Variants in INPP4B observed in about 807,000 individuals in gnomAD.
INPP4B encodes the protein inositol polyphosphate 4-phosphatase type II.
INPP4B carries 55 observed loss-of-function variants against 122.5 expected under a neutral mutation model. That is an observed-to-expected ratio of 0.45 (90% CI 0.36 to 0.56). The LOEUF (loss-of-function observed/expected upper bound fraction) is 0.56, where lower values mean the gene tolerates loss of function less well. Among genes scored for constraint, INPP4B ranks in the 20% least tolerant of loss-of-function variants. The probability of loss-of-function intolerance (pLI) is 0.00; values close to 1 mark genes in which losing one functional copy is unlikely to be tolerated. For missense variants in INPP4B, 1,000 were observed against 1,097.7 expected (o/e 0.91, Z 1.26); for synonymous variants, 403 against 388.7 (o/e 1.04, Z -0.43).
At chr4:142,221,389 CAAAAAA>C (rs570703001) in intron 12 of INPP4B, among the ~76,000 whole-genome samples, 6 of 28,554 alleles carry the variant, frequency 2.1e-4, no homozygotes, top group African/African-American at 5.9e-4. Context: ...GACTCCTTCT[CAAAAAA>C]AAAAAAAAAA....
chr4:142,640,430 A>G (rs1750136312), intron 2 of INPP4B, among the ~76,000 whole-genome samples: 2 of 152,150 alleles, frequency 1.3e-5, no homozygotes, highest in East Asian at 3.8e-4. Flanking sequence ...GTAGAGCTGT[A>G]GGGTAATGAT....
intron 1 of INPP4B, chr4:142,767,501 C>T (rs1772336698): frequency 6.6e-6 from 1 of 152,316 alleles, no homozygotes; most frequent in African/African-American, 2.4e-5. Context: ...GTCTCTTTCA[C>T]TTTCCAGGTG....
intron 2 of INPP4B, among the ~76,000 whole-genome samples, chr4:142,629,938 G>A (rs115593713): frequency 0.013 from 2,051 of 152,118 alleles, 36 homozygotes; most frequent in African/African-American, 0.038. Context: ...CCAAACTACA[G>A]AAACTGAGTA....
intron 18 of INPP4B, among the ~76,000 whole-genome samples, chr4:142,139,656 C>T (rs1263287647): frequency 6.6e-6 from 1 of 152,008 alleles, no homozygotes; most frequent in East Asian, 1.9e-4. Context: ...ATCTAGGGAA[C>T]CAAAGACAAA....
intron 14 of INPP4B, among the ~76,000 whole-genome samples, chr4:142,205,431 A>G (rs1397447522): frequency 1.3e-5 from 2 of 152,224 alleles, no homozygotes; most frequent in African/African-American, 4.8e-5. Context: ...TGCATCTTTA[A>G]GTCATCTTTA....
intron 18 of INPP4B, among the ~76,000 whole-genome samples, chr4:142,138,697 C>G (rs1224179358): frequency 6.6e-6 from 1 of 151,978 alleles, no homozygotes; most frequent in Non-Finnish European, 1.5e-5. Flanking sequence ...GAAATGGGGA[C>G]AGAACCAGAA....
rs998562072 is a variant in INPP4B at position 142,338,714 on chromosome 4, T to G, written c.373-23952A>C. On this transcript the variant is annotated intron_variant, in intron 7 of 25. Coordinates refer to ENST00000262992, the MANE Select transcript of INPP4B (RefSeq NM_001101669.3). ...GCTATCTATATATTTTTATCTCTTA[T>G]GATTATCACAAGCCATTAAAGACTT... Among the ~76,000 whole-genome samples, 39 of 152,316 alleles carry G rather than the reference T, an allele frequency of 2.6e-4. 1 individual carries two copies. The highest frequency in any genetic ancestry group is 1.8e-3 in the Admixed American group (28 of 15,300).
At chr4:142,620,304 C>G (rs1022842630) in intron 2 of INPP4B, among the ~76,000 whole-genome samples, 1 of 151,860 alleles carries the variant, frequency 6.6e-6, no homozygotes, top group Non-Finnish European at 1.5e-5. Context: ...ACATATACAC[C>G]ATGGAATATT....
chr4:142,350,988 T>C (rs1340072059), intron 7 of INPP4B, among the ~76,000 whole-genome samples: 1 of 152,032 alleles, frequency 6.6e-6, no homozygotes, highest in Non-Finnish European at 1.5e-5. Context: ...TGTTTTCCTA[T>C]GGGCTAGCTG....
intron 1 of INPP4B, among the ~76,000 whole-genome samples, chr4:142,787,564 C>G (rs1775929343): frequency 6.6e-6 from 1 of 151,984 alleles, no homozygotes. Flanking sequence ...CACCTATAAG[C>G]TGGGTTTCAT....
chr4:142,158,666 C>T (rs1190325392), intron 17 of INPP4B, among the ~76,000 whole-genome samples: 1 of 152,064 alleles, frequency 6.6e-6, no homozygotes, highest in African/African-American at 2.4e-5. Flanking sequence ...TCACTAGACT[C>T]TGAGCTCCAA....
At chr4:142,170,266 A>T (rs1824951931) in intron 16 of INPP4B, among the ~76,000 whole-genome samples, 1 of 151,768 alleles carries the variant, frequency 6.6e-6, no homozygotes, top group South Asian at 2.1e-4. Flanking sequence ...ACTAATATGC[A>T]ACAACCAAAC....
chr4:142,796,902 GTGTGTGTGTGTGTC>G lies in INPP4B; in HGVS notation c.-254+49293_-254+49306del, dbSNP rs1342384959. Among the ~76,000 whole-genome samples, 1,327 of 148,116 alleles carry G rather than the reference GTGTGTGTGTGTGTC, an allele frequency of 9.0e-3. 24 individuals are homozygous for G. The highest frequency in any genetic ancestry group is 0.03 in the African/African-American group (1,151 of 38,562). Reference sequence around the variant, plus strand: ...TGTGTGTGTGTGTGTGTGTGTGTGTGTGTGTGTGTGTGTCTGTGTGTAATAGCAGAGAACAAAAT... The same window carrying G: ...TGTGTGTGTGTGTGTGTGTGTGTGTGTGTGTGTAATAGCAGAGAACAAAAT... On this transcript the variant is annotated intron_variant, in intron 1 of 25. Transcript: ENST00000262992.
chr4:142,349,534 G>A (rs1021983921), intron 7 of INPP4B, among the ~76,000 whole-genome samples: 1 of 151,930 alleles, frequency 6.6e-6, no homozygotes, highest in African/African-American at 2.4e-5. Context: ...TCATTGATCA[G>A]CTTTTCCATT....
chr4:142,214,735 T>A (rs754057227), intron 12 of INPP4B, among the ~76,000 whole-genome samples: 9 of 152,222 alleles, frequency 5.9e-5, no homozygotes, highest in Non-Finnish European at 8.8e-5. Flanking sequence ...GTATTTTTAG[T>A]AGAGATGGGG....
intron 12 of INPP4B, among the ~76,000 whole-genome samples, chr4:142,232,833 T>A (rs577547787): frequency 6.6e-6 from 1 of 152,130 alleles, no homozygotes; most frequent in East Asian, 1.9e-4. Flanking sequence ...AACAGCCTTA[T>A]TGCTGATGTG....
At chr4:142,469,984 TA>T (rs1818519405) in intron 2 of INPP4B, among the ~76,000 whole-genome samples, 1 of 152,052 alleles carries the variant, frequency 6.6e-6, no homozygotes, top group African/African-American at 2.4e-5. Flanking sequence ...TATGTTCCAT[TA>T]GACAGGGATA....
chr4:142,431,214 G>A lies in INPP4B; in HGVS notation c.46C>T (p.Leu16Phe). 1 of 1,613,422 alleles carries A rather than the reference G, an allele frequency of 6.2e-7. No homozygotes were observed. The highest frequency in any genetic ancestry group is 1.1e-5 in the South Asian group (1 of 91,064). Residue 16 changes from leucine (L) to phenylalanine (F), a missense_variant, in exon 4 of 26, where the codon CTT becomes TTT. Coordinates refer to ENST00000262992, the MANE Select transcript of INPP4B (RefSeq NM_001101669.3). ...GGATCATTGGCCTGGGCTGTAGGAAGAAAGTGCTGCCCTTCTTCTGATGCC... is the reference window on the plus strand; with the variant it reads ...GGATCATTGGCCTGGGCTGTAGGAAAAAAGTGCTGCCCTTCTTCTGATGCC... ...EGASEEGQHF[L>F]PTAQANDPGD...
chr4:142,159,975 T>G (rs977773332), intron 17 of INPP4B, among the ~76,000 whole-genome samples: 1 of 152,024 alleles, frequency 6.6e-6, no homozygotes, highest in African/African-American at 2.4e-5. Flanking sequence ...ACCAAAACAC[T>G]GGATTGCAAC....
Sources: allele counts gnomAD v4.1 joint callset (sites outside exome capture counted in the v4.1 genomes callset), GRCh38; gene constraint gnomAD v4.1.1; transcripts MANE v1.5; gene names NCBI Gene and HGNC (gene_info 2026-07-23, HGNC 2026-07-21).